MMRN1: variants seen among roughly 807,000 people sequenced by gnomAD.
MMRN1 encodes the protein multimerin 1, also known as multimerin-1.
Under a neutral mutation model 100.7 loss-of-function variants are expected in MMRN1, and 94 were observed. The observed-to-expected ratio is 0.93, with a 90% CI of 0.79 to 1.11. The LOEUF (loss-of-function observed/expected upper bound fraction) is 1.11, where lower values mean the gene tolerates loss of function less well. Among genes scored for constraint, MMRN1 ranks in the 50% least tolerant of loss-of-function variants. MMRN1 has a pLI of 0.00. For synonymous variants in MMRN1, 575 were observed against 505.0 expected, an observed-to-expected ratio of 1.14 and a Z score of -1.86; for missense variants, 1,606 against 1,439.1, an observed-to-expected ratio of 1.12 and a Z score of -1.88.
At position 89,936,804 on chromosome 4, in the gene MMRN1, CTGTTACTGAAAAGT is replaced by C; in HGVS notation, c.3118+7_3118+20del. The C allele has an allele frequency of 6.4e-7, 1 of 1,563,324 alleles. No homozygotes were observed. Among genetic ancestry groups the C allele is most frequent in the Non-Finnish European group, 8.6e-7 (1 of 1,161,734 alleles). On this transcript the variant is annotated splice_region_variant and intron_variant, in intron 6 of 7. Coordinates refer to ENST00000264790, the MANE Select transcript of MMRN1 (RefSeq NM_007351.3). The stretch of plus-strand genomic sequence containing the variant: ...GGACAACATAATATATCCTGGTAAG[CTGTTACTGAAAAGT>C]AACTTTTAATCTCTCTTTTTACTTA...
chr4:89,900,362 T>C (rs774463871), intron 1 of MMRN1, among the ~76,000 whole-genome samples: 17 of 152,086 alleles, frequency 1.1e-4, no homozygotes, highest in Non-Finnish European at 1.9e-4. Context: ...CAAAGGAAAC[T>C]TTTTTTGCTC....
chr4:89,910,396 T>A (rs972091921), intron 2 of MMRN1, among the ~76,000 whole-genome samples: 1 of 151,512 alleles, frequency 6.6e-6, no homozygotes, highest in Non-Finnish European at 1.5e-5. Flanking sequence ...CTTTTTATTT[T>A]TTTCTTTTCT....
upstream of MMRN1, among the ~76,000 whole-genome samples, chr4:89,889,980 G>C (rs1721015597): frequency 1.3e-5 from 2 of 151,934 alleles, no homozygotes; most frequent in South Asian, 4.2e-4. Flanking sequence ...AAGTCACTCA[G>C]TGAAGACCTG....
chr4:89,953,044 G>T lies in MMRN1; in HGVS notation c.3313G>T (p.Ala1105Ser), dbSNP rs1400337224. 2.5e-6 allele frequency: 4 copies of T among 1,605,850 alleles called. No homozygotes were observed. The highest frequency in any genetic ancestry group is 1.3e-5 in the African/African-American group (1 of 74,282). Reference protein sequence around the residue: ...YRYAPMVAFFASHTYGMTIPG... With the variant: ...YRYAPMVAFFSSHTYGMTIPG... The stretch of plus-strand genomic sequence containing the variant: ...ATATGCACCCATGGTGGCATTTTTT[G>T]CATCTCATACGTATGGAATGACTAT... Residue 1105 changes from alanine (A) to serine (S), a missense_variant, in exon 8 of 8, where the codon GCA (alanine) becomes TCA (serine). Ala to Ser is a moderately conservative substitution (Grantham distance 99). Coordinates refer to ENST00000264790, the MANE Select transcript of MMRN1 (RefSeq NM_007351.3).
At chr4:89,941,793 T>A (rs1366250961) in intron 6 of MMRN1, among the ~76,000 whole-genome samples, 1 of 152,184 alleles carries the variant, frequency 6.6e-6, no homozygotes, top group Non-Finnish European at 1.5e-5. Context: ...ATATTCTTCA[T>A]GTCAGAACTG....
At chr4:89,946,268 C>T (rs966894981) in intron 6 of MMRN1, among the ~76,000 whole-genome samples, 3 of 152,106 alleles carry the variant, frequency 2.0e-5, no homozygotes, top group African/African-American at 7.2e-5. Context: ...GTAATGCTTT[C>T]ATCTGTGTAT....
At chr4:89,920,350 A>G (rs914515418) in intron 3 of MMRN1, among the ~76,000 whole-genome samples, 2 of 152,112 alleles carry the variant, frequency 1.3e-5, no homozygotes, top group Non-Finnish European at 2.9e-5. Flanking sequence ...TATTTCTGAG[A>G]CATTCTAAAA....
Position 89,949,642 on chromosome 4 carries a change from C to T in MMRN1, c.3119-1963C>T, listed in dbSNP as rs1215727621. 3.9e-5 allele frequency among the ~76,000 whole-genome samples: 6 copies of T among 152,178 alleles called. No homozygotes were observed. In the East Asian group the frequency reaches 1.2e-3, roughly 29 times the overall value. ...TCGAAATATTTGTTAAAAGGTATTA[C>T]ACACATGTAATATTTTAATACTTTT... On this transcript the variant is annotated intron_variant, in intron 6 of 7. Transcript: ENST00000264790.
At chr4:89,883,915 G>T (rs1466771477) in intron 1 of MMRN1, among the ~76,000 whole-genome samples, 3 of 151,854 alleles carry the variant, frequency 2.0e-5, no homozygotes. Flanking sequence ...ATTAATTTTT[G>T]GATTTGGAGT....
intron 1 of MMRN1, among the ~76,000 whole-genome samples, chr4:89,897,422 G>A (rs1236890430): frequency 6.6e-6 from 1 of 151,834 alleles, no homozygotes; most frequent in African/African-American, 2.4e-5. Context: ...GTTGGCCAGG[G>A]TGGTCTTGAT....
rs1186671126 is a variant in MMRN1 at position 89,951,741 on chromosome 4, T to G, written c.3255T>G (p.Ala1085=). ...NCTIKLVEEN[A]LAPDFSKGSY... ...CTATCAAGCTTGTGGAAGAAAATGC[T>G]TTAGCTCCAGGTAAAAAAAAAGTAT... The change falls in exon 7 of 8, where the codon GCT becomes GCG. Residue 1085 remains alanine (A), a synonymous_variant. Coordinates refer to ENST00000264790, the MANE Select transcript of MMRN1 (RefSeq NM_007351.3). 6.2e-7 allele frequency: 1 copy of G among 1,612,534 alleles called. No individual in the cohort carries two copies. Among genetic ancestry groups the G allele is most frequent in the South Asian group, 1.1e-5 (1 of 90,894 alleles).
At chr4:89,946,833 T>A (rs746682630) in intron 6 of MMRN1, among the ~76,000 whole-genome samples, 39 of 152,136 alleles carry the variant, frequency 2.6e-4, no homozygotes, top group Non-Finnish European at 3.2e-4. Flanking sequence ...AATTTATAAA[T>A]GAAATATCAG....
Position 89,895,233 on chromosome 4 carries a change from A to G in MMRN1, c.262A>G (p.Thr88Ala). Residue 88 changes from threonine to alanine, a missense_variant, in exon 1 of 8, where the codon ACA becomes GCA. By Grantham distance (58) the Thr-to-Ala change is moderately conservative. Transcript: ENST00000264790. ...LLKSTLPPSETSAPAEGVRNQ... is the reference protein window; with the variant it reads ...LLKSTLPPSEASAPAEGVRNQ... Reference sequence around the variant, plus strand: ...TAAATCAACACTGCCTCCCTCAGAAACAAGTGCACCTGCTGAGGGTGTGAG... The same window carrying G: ...TAAATCAACACTGCCTCCCTCAGAAGCAAGTGCACCTGCTGAGGGTGTGAG... 6.2e-7 allele frequency: 1 copy of G among 1,613,868 alleles called. No homozygotes were observed. The highest frequency in any genetic ancestry group is 1.1e-5 in the South Asian group (1 of 91,084).
intron 3 of MMRN1, among the ~76,000 whole-genome samples, chr4:89,913,012 T>A (rs1174982672): frequency 6.6e-6 from 1 of 151,282 alleles, no homozygotes; most frequent in Non-Finnish European, 1.5e-5. Flanking sequence ...ACAGAATGAA[T>A]ATGTACTTCA....
Position 89,919,923 on chromosome 4 carries a change from A to G in MMRN1, c.851-3245A>G, listed in dbSNP as rs150218665. ...ACTATTCAGAAGTTGTAGCAAATAC[A>G]AAAATCATAAGCAATGATAAACTGT... On this transcript the variant is annotated intron_variant, in intron 3 of 7. Transcript: ENST00000264790. Among the ~76,000 whole-genome samples the G allele has an allele frequency of 1.6e-4, 24 of 152,286 alleles. No individual in the cohort carries two copies. In the East Asian group the frequency reaches 4.2e-3, roughly 27 times the overall value.
intron 6 of MMRN1, among the ~76,000 whole-genome samples, chr4:89,944,675 A>G (rs1199919387): frequency 6.6e-6 from 1 of 152,196 alleles, no homozygotes; most frequent in Non-Finnish European, 1.5e-5. Context: ...AGCATCAATT[A>G]GAAAAGTTAA....
At chr4:89,920,814 T>C (rs1331150037) in intron 3 of MMRN1, among the ~76,000 whole-genome samples, 1 of 151,942 alleles carries the variant, frequency 6.6e-6, no homozygotes, top group African/African-American at 2.4e-5. Context: ...TTTGTTTTTT[T>C]TGTTTGTTTG....
chr4:89,950,782 C>T (rs562408335), intron 6 of MMRN1, among the ~76,000 whole-genome samples: 116 of 152,134 alleles, frequency 7.6e-4, no homozygotes, highest in Non-Finnish European at 1.4e-3. Context: ...TGGTCTCAAA[C>T]ACCTGGACTC....
intron 3 of MMRN1, among the ~76,000 whole-genome samples, chr4:89,912,310 A>G (rs926593534): frequency 3.3e-5 from 5 of 151,248 alleles, no homozygotes; most frequent in Non-Finnish European, 7.4e-5. Flanking sequence ...GATCTTACTT[A>G]TTCTTAACAA....
Sources: gnomAD v4.1 joint callset for allele counts (sites outside exome capture counted in the v4.1 genomes callset) on GRCh38, gnomAD v4.1.1 for gene constraint, MANE v1.5 for transcripts, NCBI Gene and HGNC (gene_info 2026-07-23, HGNC 2026-07-21) for gene names.